Variants in CNTN4 observed in about 807,000 individuals in gnomAD.
The protein encoded by CNTN4 is contactin 4, also known as contactin-4.
A neutral mutation model predicts 122.5 loss-of-function variants in CNTN4; 77 were observed. That is an observed-to-expected ratio of 0.63 (90% CI 0.52 to 0.76). CNTN4 has a LOEUF of 0.76. Ranked by LOEUF, CNTN4 falls within the 30% of genes least tolerant of loss-of-function variation. CNTN4 has a pLI of 0.00. For synonymous variants in CNTN4, 512 were observed against 447.0 expected, an observed-to-expected ratio of 1.15 and a Z score of -1.83; for missense variants, 1,256 against 1,259.1, an observed-to-expected ratio of 1.00 and a Z score of 0.04.
chr3:2,276,026 A>C (rs2149853257), intron 2 of CNTN4, among the ~76,000 whole-genome samples: 1 of 152,042 alleles, frequency 6.6e-6, no homozygotes, highest in Non-Finnish European at 1.5e-5. Flanking sequence ...GAAATTAATA[A>C]TTTCAAAAAT....
chr3:2,213,965 T>C (rs1368613819), intron 2 of CNTN4, among the ~76,000 whole-genome samples: 1 of 152,188 alleles, frequency 6.6e-6, no homozygotes, highest in Non-Finnish European at 1.5e-5. Flanking sequence ...TAGAAAATGC[T>C]TGGAGGCTTA....
In CNTN4 at chr3:2,452,868, G is replaced by C. The variant is rs544366210; in HGVS notation, c.-89+113635G>C. ...AGCTTGTTAAAGAGTCATGACCCCAGAGAAGCCTAGACCCCTCTTCTCCAT... is the reference window on the plus strand; with the variant it reads ...AGCTTGTTAAAGAGTCATGACCCCACAGAAGCCTAGACCCCTCTTCTCCAT... On this transcript the variant is annotated intron_variant, in intron 3 of 24. Coordinates refer to ENST00000418658, the MANE Select transcript of CNTN4 (RefSeq NM_175607.3). 2.6e-5 allele frequency among the ~76,000 whole-genome samples: 4 copies of C among 152,170 alleles called. No homozygotes were observed. The East Asian group carries it at 7.7e-4, about 29-fold the overall frequency.
At chr3:2,624,397 G>C (rs1419261785) in intron 4 of CNTN4, among the ~76,000 whole-genome samples, 1 of 151,968 alleles carries the variant, frequency 6.6e-6, no homozygotes, top group Non-Finnish European at 1.5e-5. Context: ...GATATATTCA[G>C]TACAATATAT....
intron 3 of CNTN4, among the ~76,000 whole-genome samples, chr3:2,396,406 C>T (rs1009784821): frequency 6.6e-6 from 1 of 152,042 alleles, no homozygotes; most frequent in African/African-American, 2.4e-5. Context: ...ATGTTAAAGA[C>T]CCACCGTATG....
chr3:2,734,205 C>A (rs566645819), intron 4 of CNTN4, among the ~76,000 whole-genome samples: 83 of 152,166 alleles, frequency 5.5e-4, no homozygotes, highest in African/African-American at 1.9e-3. Context: ...GGACTAGAGG[C>A]GCATGCCACC....
chr3:2,460,697 T>C (rs959396998), intron 3 of CNTN4, among the ~76,000 whole-genome samples: 6 of 152,200 alleles, frequency 3.9e-5, no homozygotes, highest in East Asian at 1.9e-4. Flanking sequence ...CAGTTGAAGA[T>C]AGTTTTATCC....
chr3:2,430,605 G>C (rs1283136721), intron 3 of CNTN4, among the ~76,000 whole-genome samples: 1 of 99,578 alleles, frequency 1.0e-5, no homozygotes, highest in African/African-American at 4.2e-5. Context: ...TTTTTATTGG[G>C]AGCAAATTAC....
chr3:2,737,103 C>G lies in CNTN4; in HGVS notation c.182+762C>G, dbSNP rs559469557. On this transcript the variant is annotated intron_variant, in intron 5 of 24. Transcript: ENST00000418658. ...CCAGCCATATTTTTATTTTTCGAGA[C>G]AGGGTCTCCCTCTGTCACCCAGGCT... Among the ~76,000 whole-genome samples, 3 of 151,794 alleles carry G rather than the reference C, an allele frequency of 2.0e-5. No homozygotes were observed. The South Asian group carries it at 6.3e-4, about 32-fold the overall frequency.
rs774316597 is a variant in CNTN4 at position 2,806,191 on chromosome 3, G to A, written c.359-13295G>A. ...GCTGGGATTACAGGCGTGAGCCACC[G>A]CGCCCAGCCTCTCATAGCACTTTCT... is the stretch of plus-strand genomic sequence containing the variant. On this transcript the variant is annotated intron_variant, in intron 6 of 24. Transcript: ENST00000418658. Among the ~76,000 whole-genome samples, 3 of 152,218 alleles carry A rather than the reference G, an allele frequency of 2.0e-5. No individual in the cohort carries two copies. In the East Asian group the frequency reaches 5.8e-4, roughly 29 times the overall value.
intron 3 of CNTN4, among the ~76,000 whole-genome samples, chr3:2,559,144 A>G (rs758357907): frequency 3.2e-4 from 49 of 152,340 alleles, no homozygotes; most frequent in Admixed American, 1.2e-3. Flanking sequence ...AAAAACTGTC[A>G]CATTCAGGGT....
intron 7 of CNTN4, among the ~76,000 whole-genome samples, chr3:2,847,057 C>G (rs1409477910): frequency 6.6e-6 from 1 of 151,760 alleles, no homozygotes; most frequent in Non-Finnish European, 1.5e-5. Flanking sequence ...CATTCCTGTT[C>G]TTATATATTC....
chr3:2,671,945 C>G (rs996082432), intron 4 of CNTN4, among the ~76,000 whole-genome samples: 1 of 143,904 alleles, frequency 6.9e-6, no homozygotes, highest in African/African-American at 2.8e-5. Flanking sequence ...TGCTGAACAG[C>G]AAATGTTGCT....
chr3:3,011,849 T>TA (rs1281606516), intron 14 of CNTN4, among the ~76,000 whole-genome samples: 1 of 151,898 alleles, frequency 6.6e-6, no homozygotes, highest in Non-Finnish European at 1.5e-5. Context: ...TTCCTGCACT[T>TA]AAAACAGACC....
At chr3:2,155,749 A>G (rs1195473108) in intron 2 of CNTN4, among the ~76,000 whole-genome samples, 1 of 151,998 alleles carries the variant, frequency 6.6e-6, no homozygotes, top group Non-Finnish European at 1.5e-5. Context: ...GCTTCCTCCA[A>G]CACAGCTAGC....
chr3:2,773,908 C>T (rs1054187551), intron 6 of CNTN4, among the ~76,000 whole-genome samples: 5 of 151,690 alleles, frequency 3.3e-5, no homozygotes, highest in Admixed American at 6.6e-5. Context: ...TATAGGCACC[C>T]GCCACCACAT....
chr3:2,816,596 G>A (rs1246340198), intron 6 of CNTN4, among the ~76,000 whole-genome samples: 1 of 151,504 alleles, frequency 6.6e-6, no homozygotes, highest in Non-Finnish European at 1.5e-5. Context: ...GCTGAGGCGG[G>A]TGGATCATGA....
At chr3:2,992,263 C>G (rs1695124992) in intron 14 of CNTN4, among the ~76,000 whole-genome samples, 1 of 152,208 alleles carries the variant, frequency 6.6e-6, no homozygotes, top group Non-Finnish European at 1.5e-5. Flanking sequence ...TGATTATCAT[C>G]CCATCATCTG....
intron 2 of CNTN4, among the ~76,000 whole-genome samples, chr3:2,226,475 A>G (rs915142504): frequency 6.6e-6 from 1 of 152,144 alleles, no homozygotes; most frequent in Non-Finnish European, 1.5e-5. Context: ...CAGGGTTACT[A>G]TGGGGAAGTC....
At chr3:2,206,476 C>A (rs185683255) in intron 2 of CNTN4, among the ~76,000 whole-genome samples, 5 of 152,022 alleles carry the variant, frequency 3.3e-5, no homozygotes, top group Admixed American at 3.3e-4. Flanking sequence ...TACTCCTTCA[C>A]CCTGAAATAA....
Sources: allele counts gnomAD v4.1 joint callset (sites outside exome capture counted in the v4.1 genomes callset), GRCh38; gene constraint gnomAD v4.1.1; transcripts MANE v1.5; gene names NCBI Gene and HGNC (gene_info 2026-07-23, HGNC 2026-07-21).